TACC3: variants seen among roughly 807,000 people sequenced by gnomAD.
TACC3 encodes the protein transforming acidic coiled-coil-containing protein 3.
A neutral mutation model predicts 86.0 loss-of-function variants in TACC3; 52 were observed. The ratio of observed to expected loss-of-function variants is 0.60; its 90% CI spans 0.48 to 0.76. The LOEUF (loss-of-function observed/expected upper bound fraction) is 0.76, where lower values mean the gene tolerates loss of function less well. TACC3 is among the 30% of genes least tolerant of loss of function. TACC3 has a pLI of 0.00. For synonymous variants in TACC3, 512 were observed against 430.0 expected (o/e 1.19, Z -2.36); for missense variants, 1,120 against 1,070.4 (o/e 1.05, Z -0.65).
intron 3 of TACC3, 60 bp from the exon 4 acceptor site, chr4:1,727,648 T>C (rs1423417282): frequency 3.3e-6 from 5 of 1,523,018 alleles, no homozygotes; most frequent in Non-Finnish European, 4.4e-6. Flanking sequence ...GAATGAATGC[T>C]GAGGCCCCTA....
At chr4:1,730,262 G>C (rs1717935001) in intron 4 of TACC3, 1 of 183,658 alleles carries the variant, frequency 5.4e-6, no homozygotes, top group Non-Finnish European at 1.2e-5. Flanking sequence ...GGATGGTCTA[G>C]ATATGACCTC....
chr4:1,731,969 C>G lies in TACC3; in HGVS notation c.1591+668C>G, dbSNP rs188892362. On this transcript the variant is annotated intron_variant, in intron 6 of 15. Transcript: ENST00000313288. ...TGATAATGAAATGTGAAGCCTGAAC[C>G]TTAGACACCAGACTGCAGTTAAATA... Among the ~76,000 whole-genome samples, 131 of 152,384 alleles carry G rather than the reference C, an allele frequency of 8.6e-4. 2 individuals are homozygous for G. The highest frequency in any genetic ancestry group is 2.5e-3 in the Admixed American group (38 of 15,306).
In TACC3 at chr4:1,744,973, G is replaced by C; in HGVS notation, c.2477G>C (p.Arg826Thr). The C allele has an allele frequency of 1.9e-6, 3 of 1,611,620 alleles. No individual in the cohort carries two copies. Among genetic ancestry groups the C allele is most frequent in the Non-Finnish European group, 2.5e-6 (3 of 1,179,434 alleles). The change falls in exon 16 of 16, where the codon AGG (arginine) becomes ACG (threonine). Residue 826 changes from arginine to threonine, a missense_variant. By Grantham distance (71) the Arg-to-Thr change is moderately conservative. Transcript: ENST00000313288. Reference sequence around the variant, plus strand: ...ACTAAAGAGAACGAGGAGCTGACCAGGATCTGCGACGACCTCATCTCCAAG... The same window carrying C: ...ACTAAAGAGAACGAGGAGCTGACCACGATCTGCGACGACCTCATCTCCAAG... The part of the protein sequence containing the change: ...QKTKENEELT[R>T]ICDDLISKME...
intron 4 of TACC3, 130 bp downstream of exon 4, chr4:1,728,917 G>A: frequency 1.1e-6 from 1 of 947,224 alleles, no homozygotes; most frequent in South Asian, 1.7e-5. Flanking sequence ...CTGAGGAGGG[G>A]CCTCTGGATA....
intron 4 of TACC3, 180 bp from the exon 5 acceptor site, chr4:1,730,707 G>A: frequency 1.3e-6 from 1 of 759,250 alleles, no homozygotes; most frequent in Non-Finnish European, 2.4e-6. Context: ...GGGTGAGGTT[G>A]GTGAGGCAGT....
Position 1,731,205 on chromosome 4 carries a change from C to T in TACC3, c.1495C>T (p.Pro499Ser). The change falls in exon 6 of 16, where the codon CCC (proline) becomes TCC (serine). Residue 499 changes from proline (P) to serine (S), a missense_variant. Pro to Ser is a moderately conservative substitution (Grantham distance 74). Transcript: ENST00000313288. ...RALNSASTSL[P>S]TSCPGSEPVP... ...CTTGAACTCTGCCAGCACCTCGCTT[C>T]CCACAAGCTGTCCAGGCAGTGAGCC... 2 of 1,613,410 alleles carry T rather than the reference C, an allele frequency of 1.2e-6. No homozygotes were observed. Among genetic ancestry groups the T allele is most frequent in the Non-Finnish European group, 1.7e-6 (2 of 1,180,034 alleles).
chr4:1,727,048 T>A (rs1342313177), intron 3 of TACC3, among the ~76,000 whole-genome samples: 2 of 152,092 alleles, frequency 1.3e-5, no homozygotes, highest in African/African-American at 2.4e-5. Context: ...GGAGAATCGC[T>A]TGAACCCCAG....
rs144647657 is a variant in TACC3 at position 1,727,985 on chromosome 4, G to C, written c.583G>C (p.Val195Leu). 70 of 1,613,022 alleles carry C rather than the reference G, an allele frequency of 4.3e-5. No individual in the cohort carries two copies. Among genetic ancestry groups the C allele is most frequent in the Non-Finnish European group, 5.9e-5 (70 of 1,180,042 alleles). ...TAGTTCCTATTCCTTAGACAGAAGA[G>C]TGACACCCGCCTCTGAGACCCTAGA... is the stretch of plus-strand genomic sequence containing the variant. ...NLSSYSLDRRVTPASETLEDP... is the reference protein window; with the variant it reads ...NLSSYSLDRRLTPASETLEDP... The change falls in exon 4 of 16, where the codon GTG (valine) becomes CTG (leucine). Residue 195 changes from valine to leucine, a missense_variant. Coordinates refer to ENST00000313288, the MANE Select transcript of TACC3 (RefSeq NM_006342.3).
chr4:1,738,398 T>C (rs1316008390), intron 10 of TACC3: 1 of 159,912 alleles, frequency 6.3e-6, no homozygotes, highest in Non-Finnish European at 1.4e-5. Flanking sequence ...CCTGACCCCG[T>C]ACCCCAACAA....
chr4:1,732,737 C>T (rs1022104074), intron 6 of TACC3, among the ~76,000 whole-genome samples: 2 of 152,214 alleles, frequency 1.3e-5, no homozygotes, highest in East Asian at 1.9e-4. Context: ...CTGTGTCCGG[C>T]GTCTCCCTCG....
rs958046998 is a variant in TACC3, at chr4:1,744,738, G to T, written c.2357G>T (p.Arg786Leu). ...GCAAACGAGGAGATCGCCCAGGTCC[G>T]GAGCAAGGCCCAGGCGGAAGCGTTG... ...QLANEEIAQV[R>L]SKAQAEALAL... is the part of the protein sequence containing the mutation. The change falls in exon 15 of 16, where the codon CGG (arginine) becomes CTG (leucine). Residue 786 changes from arginine (R) to leucine (L), a missense_variant. By Grantham distance (102) the Arg-to-Leu change is moderately radical. Coordinates refer to ENST00000313288, the MANE Select transcript of TACC3 (RefSeq NM_006342.3). 1.9e-6 allele frequency: 3 copies of T among 1,612,598 alleles called. No individual in the cohort carries two copies. Among genetic ancestry groups the T allele is most frequent in the Non-Finnish European group, 1.7e-6 (2 of 1,179,974 alleles).
rs942527192 is a variant in TACC3 at position 1,740,147 on chromosome 4, C to T, written c.2062+145C>T. The T allele has an allele frequency of 1.3e-5, 10 of 767,948 alleles. No homozygotes were observed. The South Asian group carries it at 1.4e-4, about 11-fold the overall frequency. 47.6% of individuals were successfully genotyped at this position (767,948 alleles called of 1,614,324 possible). On this transcript the variant is annotated intron_variant, in intron 12 of 15. Coordinates refer to ENST00000313288, the MANE Select transcript of TACC3 (RefSeq NM_006342.3). Reference sequence around the variant, plus strand: ...CGAGTCCCTTCAACATGGGCCCGGCCGTGGAAGCACTGAGGCGAGTTGCGG... The same window carrying T: ...CGAGTCCCTTCAACATGGGCCCGGCTGTGGAAGCACTGAGGCGAGTTGCGG...
At chr4:1,732,034 T>C (rs185232648) in intron 6 of TACC3, among the ~76,000 whole-genome samples, 1 of 151,560 alleles carries the variant, frequency 6.6e-6, no homozygotes, top group African/African-American at 2.4e-5. Flanking sequence ...TTGAATACGG[T>C]TTGTCCATAA....
At chr4:1,740,705 A>AC (rs1718551115) in intron 12 of TACC3, 121 bp from the exon 13 acceptor site, 1 of 837,554 alleles carries the variant, frequency 1.2e-6, no homozygotes, top group African/African-American at 1.7e-5. Context: ...TCCGAGGCTC[A>AC]CACCCACTGC....
chr4:1,737,610 C>T lies in TACC3; in HGVS notation c.1849C>T (p.Pro617Ser), dbSNP rs769227637. Residue 617 changes from proline to serine, a missense_variant, in exon 10 of 16, where the codon CCC (proline) becomes TCC (serine). Pro to Ser is a moderately conservative substitution (Grantham distance 74). Transcript: ENST00000313288. ...CCATCTCCCGCAGGTGCCAGGCCCA[C>T]CCCCAGGTGTTCCCGCGCCTGGGGG... ...GALDIPVPGP[P>S]PGVPAPGGPP... The T allele has an allele frequency of 5.9e-4, 890 of 1,518,796 alleles. 1 individual carries two copies. Among genetic ancestry groups the T allele is most frequent in the Non-Finnish European group, 7.6e-4 (855 of 1,128,542 alleles). 94.1% of individuals were successfully genotyped at this position (1,518,796 alleles called of 1,614,324 possible).
intron 4 of TACC3, 69 bp downstream of exon 4, chr4:1,728,856 C>A: frequency 6.9e-7 from 1 of 1,454,394 alleles, no homozygotes; most frequent in Non-Finnish European, 9.2e-7. Context: ...GGTCCAGGAC[C>A]CGAGGCCAGA....
rs550648037 is a variant in TACC3 at position 1,726,789 on chromosome 4, G to A, written c.306-919G>A. Among the ~76,000 whole-genome samples, 6 of 152,254 alleles carry A rather than the reference G, an allele frequency of 3.9e-5. No homozygotes were observed. In the South Asian group the frequency reaches 1.0e-3, roughly 26 times the overall value. ...GCCTTGTCTATCGGGGAGTAGGGTG[G>A]GGTCACTGTATGCTGGTGGGCAGGT... On this transcript the variant is annotated intron_variant, in intron 3 of 15. Coordinates refer to ENST00000313288, the MANE Select transcript of TACC3 (RefSeq NM_006342.3).
In TACC3 at chr4:1,735,489, C is replaced by T. The variant is rs1435597555; in HGVS notation, c.1644+164C>T. On this transcript the variant is annotated intron_variant, in intron 7 of 15. Transcript: ENST00000313288. This position sits in a 1 kb window ranked among gnomAD's most constrained non-coding sequence, Gnocchi z 4.2. The stretch of plus-strand genomic sequence containing the variant: ...ATCCAGGGCCCCTTCTGCAGCACCT[C>T]CTCTAAGTGGTGTCCTGTGGCAGGG... 6.6e-6 allele frequency among the ~76,000 whole-genome samples: 1 copy of T among 152,180 alleles called. No homozygotes were observed. Among genetic ancestry groups the T allele is most frequent in the African/African-American group, 2.4e-5 (1 of 41,438 alleles).
At chr4:1,723,670 G>C (rs774800982) in intron 2 of TACC3, 58 bp from the exon 3 acceptor site, 7 of 1,612,374 alleles carry the variant, frequency 4.3e-6, no homozygotes, top group Non-Finnish European at 5.9e-6. Context: ...GACACTGCTG[G>C]TGTGGCTGTA....
Sources: gnomAD v4.1 joint callset for allele counts (sites outside exome capture counted in the v4.1 genomes callset) on GRCh38, gnomAD v4.1.1 for gene constraint, Gnocchi (gnomAD v3.1) non-coding constraint, MANE v1.5 for transcripts, NCBI Gene and HGNC (gene_info 2026-07-23, HGNC 2026-07-21) for gene names.